Variants in CDHR3 observed in about 807,000 individuals in gnomAD.
CDHR3 encodes the protein cadherin-related family member 3.
In CDHR3, 79 loss-of-function variants were observed where a neutral mutation model predicts 86.6. The ratio of observed to expected loss-of-function variants is 0.91; its 90% CI spans 0.76 to 1.10. The LOEUF (loss-of-function observed/expected upper bound fraction) is 1.10, where lower values mean the gene tolerates loss of function less well. Among genes scored for constraint, CDHR3 ranks in the 50% least tolerant of loss-of-function variants. The probability of loss-of-function intolerance (pLI) is 0.00; values close to 1 mark genes in which losing one functional copy is unlikely to be tolerated. For synonymous variants in CDHR3, 421 were observed against 402.4 expected (o/e 1.05, Z -0.55); for missense variants, 1,081 against 1,077.6 (o/e 1.00, Z -0.04).
At position 106,015,201 on chromosome 7, in the gene CDHR3, C is replaced by G. The variant is rs1055861839; in HGVS notation, c.1315C>G (p.Pro439Ala). ...AATCCAGGTGCAGGATGTGGCCCCC[C>G]CTTACTATAAAAGCAAGTATCATTT... ...VIIQVQDVAP[P>A]YYKNNVYVYI... The change falls in exon 10 of 19, where the codon CCT becomes GCT. Residue 439 changes from proline to alanine, a missense_variant. Transcript: ENST00000317716. The G allele has an allele frequency of 1.3e-5, 21 of 1,607,890 alleles. No individual in the cohort carries two copies. The highest frequency in any genetic ancestry group is 2.2e-5 in the East Asian group (1 of 44,762).
At chr7:105,971,970 A>G (rs1224530353) in intron 1 of CDHR3, among the ~76,000 whole-genome samples, 1 of 152,026 alleles carries the variant, frequency 6.6e-6, no homozygotes, top group Non-Finnish European at 1.5e-5. Context: ...AATAACTATG[A>G]TGCATCCTAT....
In CDHR3 at chr7:106,015,134, A is replaced by G; in HGVS notation, c.1248A>G (p.Glu416=). 2 of 1,609,572 alleles carry G rather than the reference A, an allele frequency of 1.2e-6. No homozygotes were observed. Among genetic ancestry groups the G allele is most frequent in the Non-Finnish European group, 1.7e-6 (2 of 1,177,982 alleles). The change falls in exon 10 of 19, where the codon GAA becomes GAG. Residue 416 remains glutamate (E), a synonymous_variant. Coordinates refer to ENST00000317716, the MANE Select transcript of CDHR3 (RefSeq NM_152750.5). The part of the protein sequence containing the change: ...KIVLIGDLDY[E]NPSNLAAGNK... ...AGCTGATTGGTGATCTAGACTACGA[A>G]AATCCAAGTAACCTAGCAGCCGGCA...
chr7:106,004,425 C>T, intron 7 of CDHR3, 73 bp from the exon 8 acceptor site: 1 of 1,207,320 alleles, frequency 8.3e-7, no homozygotes, highest in Non-Finnish European at 1.2e-6. Flanking sequence ...TGGTCTTTTC[C>T]AGTTTTCTCC....
chr7:106,012,138 T>C (rs1834902761), intron 8 of CDHR3, among the ~76,000 whole-genome samples: 1 of 152,206 alleles, frequency 6.6e-6, no homozygotes, highest in Non-Finnish European at 1.5e-5. Context: ...CAAATACTTA[T>C]TGAGTGTGCC....
intron 13 of CDHR3, 75 bp from the exon 14 acceptor site, chr7:106,022,123 A>G: frequency 1.3e-6 from 2 of 1,548,782 alleles, no homozygotes; most frequent in Non-Finnish European, 1.8e-6. Context: ...GATTGAATGC[A>G]GTTTTCTTCT....
At chr7:106,015,544 C>G (rs1427429780) in intron 10 of CDHR3, among the ~76,000 whole-genome samples, 2 of 151,986 alleles carry the variant, frequency 1.3e-5, no homozygotes, top group African/African-American at 4.8e-5. Flanking sequence ...TGCTTCCAAG[C>G]CCCCATTTTT....
intron 7 of CDHR3, 145 bp from the exon 8 acceptor site, chr7:106,004,353 G>C (rs1181070271): frequency 1.5e-6 from 1 of 667,558 alleles, no homozygotes; most frequent in African/African-American, 1.8e-5. Flanking sequence ...GAACTTAATG[G>C]GTTTTCAAAA....
At chr7:106,028,433 C>G in intron 16 of CDHR3, 118 bp from the exon 17 acceptor site, 1 of 1,097,960 alleles carries the variant, frequency 9.1e-7, no homozygotes, top group Non-Finnish European at 1.4e-6. Context: ...CAATTCTTTG[C>G]TGTGTCTGCA....
intron 1 of CDHR3, among the ~76,000 whole-genome samples, chr7:105,965,239 C>T (rs1056232972): frequency 5.9e-5 from 9 of 152,238 alleles, no homozygotes; most frequent in Admixed American, 2.6e-4. Flanking sequence ...AGGCTTCTAG[C>T]GGGGCAGCCA....
chr7:105,967,828 T>G (rs1339611603), intron 1 of CDHR3, among the ~76,000 whole-genome samples: 7 of 152,228 alleles, frequency 4.6e-5, no homozygotes, highest in Non-Finnish European at 1.0e-4. Context: ...TAAATTTGTT[T>G]TAGTTCTTTG....
chr7:106,030,772 T>A lies in CDHR3; in HGVS notation c.2305-20T>A, dbSNP rs749507717. The A allele has an allele frequency of 6.2e-7, 1 of 1,606,412 alleles. No individual in the cohort carries two copies. The highest frequency in any genetic ancestry group is 8.5e-7 in the Non-Finnish European group (1 of 1,176,206). ...AGGAATGTAGGATTGTGTTTGATGC[T>A]GTCTCTGTCTTCTCCTTAGGAAACT... On this transcript the variant is annotated intron_variant, in intron 17 of 18. Coordinates refer to ENST00000317716, the MANE Select transcript of CDHR3 (RefSeq NM_152750.5). The surrounding 1 kb of genome is among the most constrained non-coding windows in gnomAD (Gnocchi z 4.8).
At chr7:105,994,196 T>C (rs1831830831) in intron 4 of CDHR3, among the ~76,000 whole-genome samples, 1 of 152,182 alleles carries the variant, frequency 6.6e-6, no homozygotes, top group Non-Finnish European at 1.5e-5. Flanking sequence ...CCTACTCACT[T>C]TGGTATAGTC....
chr7:106,029,580 T>TCTC (rs779632237), intron 17 of CDHR3, among the ~76,000 whole-genome samples: 14 of 138,466 alleles, frequency 1.0e-4, no homozygotes, highest in Admixed American at 1.4e-4. Context: ...CTCTCTCTCT[T>TCTC]TGACAGAACC....
chr7:105,980,152 A>G (rs994799992), intron 2 of CDHR3, among the ~76,000 whole-genome samples: 34 of 152,388 alleles, frequency 2.2e-4, no homozygotes, highest in African/African-American at 7.2e-4. Flanking sequence ...TTACTTACGC[A>G]GATGTATCTT....
At position 105,984,888 on chromosome 7, in the gene CDHR3, G is replaced by A. The variant is rs993488436; in HGVS notation, c.513+599G>A. On this transcript the variant is annotated intron_variant, in intron 4 of 18. Coordinates refer to ENST00000317716, the MANE Select transcript of CDHR3 (RefSeq NM_152750.5). ...AGCCTAGGCAACATAGTGAGACCTCGTCTCTACAAAAAATAAAAAAATTAG... is the reference window on the plus strand; with the variant it reads ...AGCCTAGGCAACATAGTGAGACCTCATCTCTACAAAAAATAAAAAAATTAG... Among the ~76,000 whole-genome samples, 8 of 151,948 alleles carry A rather than the reference G, an allele frequency of 5.3e-5. No homozygotes were observed. The South Asian group carries it at 8.3e-4, about 16-fold the overall frequency.
At chr7:105,987,354 T>C (rs1267438334) in intron 4 of CDHR3, among the ~76,000 whole-genome samples, 1 of 152,164 alleles carries the variant, frequency 6.6e-6, no homozygotes, top group African/African-American at 2.4e-5. Flanking sequence ...CTAACAGCTG[T>C]ACAGAAAGTC....
chr7:105,970,091 G>A (rs149488658), intron 1 of CDHR3, among the ~76,000 whole-genome samples: 160 of 152,228 alleles, frequency 1.1e-3, no homozygotes, highest in Middle Eastern at 6.8e-3. Context: ...AGAATGAAGA[G>A]GTAGCTATTG....
chr7:105,968,969 T>C (rs903287138), intron 1 of CDHR3, among the ~76,000 whole-genome samples: 1 of 151,230 alleles, frequency 6.6e-6, no homozygotes, highest in Non-Finnish European at 1.5e-5. Context: ...GCACCTGTAG[T>C]CCCAGCTACT....
chr7:105,994,625 C>A, intron 4 of CDHR3, 126 bp from the exon 5 acceptor site: 1 of 702,780 alleles, frequency 1.4e-6, no homozygotes, highest in South Asian at 1.7e-5. Context: ...CTCTTTGAAC[C>A]GCATCCTGAT....
Sources: gnomAD v4.1 joint callset for allele counts (sites outside exome capture counted in the v4.1 genomes callset) on GRCh38, gnomAD v4.1.1 for gene constraint, Gnocchi (gnomAD v3.1) non-coding constraint, MANE v1.5 for transcripts, NCBI Gene and HGNC (gene_info 2026-07-23, HGNC 2026-07-21) for gene names.